Variants in TNPO3 observed in about 807,000 individuals in gnomAD.
TNPO3 encodes transportin 3, also known as transportin-3.
In TNPO3, 65 loss-of-function variants were observed where a neutral mutation model predicts 122.8. The observed-to-expected ratio is 0.53, with a 90% CI of 0.43 to 0.65. TNPO3 has a LOEUF of 0.65. TNPO3 is among the 30% of genes least tolerant of loss of function. The pLI, the probability that TNPO3 is intolerant of heterozygous loss-of-function variation, is 0.00. For synonymous variants in TNPO3, 372 were observed against 411.2 expected (o/e 0.90, Z 1.15); for missense variants, 850 against 1,136.7 (o/e 0.75, Z 3.63).
chr7:128,981,246 T>C (rs911395599), intron 14 of TNPO3, among the ~76,000 whole-genome samples: 8 of 152,206 alleles, frequency 5.3e-5, no homozygotes, highest in Non-Finnish European at 1.5e-5. Flanking sequence ...CATCACCTTT[T>C]TAAATATTTA....
At chr7:129,005,662 T>A (rs1340351896) in intron 4 of TNPO3, among the ~76,000 whole-genome samples, 5 of 151,846 alleles carry the variant, frequency 3.3e-5, no homozygotes, top group Admixed American at 1.3e-4. Flanking sequence ...CCTTCCCCCA[T>A]GATTGTTAAG....
At chr7:128,987,766 C>T (rs568409331) in intron 11 of TNPO3, among the ~76,000 whole-genome samples, 4 of 151,750 alleles carry the variant, frequency 2.6e-5, no homozygotes, top group African/African-American at 7.3e-5. Context: ...TTAGTAGAGA[C>T]GATTGTTTCA....
chr7:129,017,901 T>C, intron 2 of TNPO3, 56 bp downstream of exon 2: 7 of 1,550,662 alleles, frequency 4.5e-6, no homozygotes, highest in Non-Finnish European at 6.2e-6. Flanking sequence ...ATTAAAACAA[T>C]CCTGATAAAT....
At position 128,996,247 on chromosome 7, in the gene TNPO3, G is replaced by A. The variant is rs143184356; in HGVS notation, c.1158+1142C>T. Among the ~76,000 whole-genome samples the A allele has an allele frequency of 3.8e-3, 583 of 152,256 alleles. 5 individuals carry two copies. The highest frequency in any genetic ancestry group is 0.013 in the African/African-American group (544 of 41,554). On this transcript the variant is annotated intron_variant, in intron 8 of 22. Coordinates refer to ENST00000265388, the MANE Select transcript of TNPO3 (RefSeq NM_012470.4). ...GGCAAAATTTGAAGAGACTAAGCAT[G>A]ATGTTTGAAGAGTTTTCTAATAAAC...
At chr7:129,043,415 T>G (rs1351956793) in intron 1 of TNPO3, among the ~76,000 whole-genome samples, 1 of 152,004 alleles carries the variant, frequency 6.6e-6, no homozygotes, top group East Asian at 1.9e-4. Flanking sequence ...TAAAATAAAC[T>G]GAAATTGAAT....
intron 1 of TNPO3, among the ~76,000 whole-genome samples, chr7:129,050,566 A>G (rs1462805933): frequency 2.0e-5 from 3 of 152,214 alleles, no homozygotes; most frequent in Admixed American, 2.0e-4. Flanking sequence ...AGAAGACTCA[A>G]GGTTTACTGT....
chr7:128,986,030 T>A (rs1800105960), intron 12 of TNPO3, among the ~76,000 whole-genome samples: 1 of 152,214 alleles, frequency 6.6e-6, no homozygotes, highest in Non-Finnish European at 1.5e-5. Context: ...GGCACCCCAA[T>A]CTGTGTTCAG....
chr7:129,002,740 A>C (rs1411402297), intron 5 of TNPO3, among the ~76,000 whole-genome samples: 2 of 152,100 alleles, frequency 1.3e-5, no homozygotes, highest in Non-Finnish European at 2.9e-5. Context: ...AACACAGTGA[A>C]ACCCTGTCTC....
intron 7 of TNPO3, among the ~76,000 whole-genome samples, chr7:128,999,411 T>C (rs1801684600): frequency 6.6e-6 from 1 of 152,134 alleles, no homozygotes; most frequent in Admixed American, 6.5e-5. Context: ...ATGTTTTGGG[T>C]TCCATTCAAA....
intron 19 of TNPO3, among the ~76,000 whole-genome samples, chr7:128,971,600 T>C (rs1350067616): frequency 6.6e-6 from 1 of 152,238 alleles, no homozygotes; most frequent in Non-Finnish European, 1.5e-5. Context: ...ACTTCTTCAC[T>C]GCTCTCCCCT....
rs560973879 is a variant in TNPO3, at chr7:128,969,997, C to T, written c.2598+151G>A. ...ATAAATTACTGATCTTTACGGGCCT[C>T]TTCATCTACCAATCTAATTTGGCAA... is the stretch of plus-strand genomic sequence containing the variant. On this transcript the variant is annotated intron_variant, in intron 20 of 22. Transcript: ENST00000265388. The T allele has an allele frequency of 1.8e-4, 142 of 773,588 alleles. No individual in the cohort carries two copies. The African/African-American group carries it at 2.4e-3, about 13-fold the overall frequency. The allele number at this position is 773,588 out of a possible 1,614,324, so 47.9% of individuals were successfully genotyped here.
rs1803944128 is a variant in TNPO3 at position 129,017,165 on chromosome 7, G to A, written c.322-109C>T. 16 of 1,007,746 alleles carry A rather than the reference G, an allele frequency of 1.6e-5. No homozygotes were observed. In the East Asian group the frequency reaches 3.4e-4, roughly 22 times the overall value. 62.4% of individuals were successfully genotyped at this position (1,007,746 alleles called of 1,614,324 possible). ...TTCTTCCAAACAATATGACAACTAAGACTAACCCCCTTCCCCCATTTCTCC... is the reference window on the plus strand; with the variant it reads ...TTCTTCCAAACAATATGACAACTAAAACTAACCCCCTTCCCCCATTTCTCC... On this transcript the variant is annotated intron_variant, in intron 2 of 22. Transcript: ENST00000265388.
chr7:129,000,294 CA>C (rs1156613423), intron 7 of TNPO3, 134 bp downstream of exon 7: 15 of 1,034,118 alleles, frequency 1.5e-5, no homozygotes, highest in Non-Finnish European at 1.9e-5. Context: ...AATTCCAAAA[CA>C]GATGAAATCA....
At chr7:129,032,983 A>G (rs1225533821) in intron 1 of TNPO3, among the ~76,000 whole-genome samples, 1 of 152,220 alleles carries the variant, frequency 6.6e-6, no homozygotes, top group Non-Finnish European at 1.5e-5. Flanking sequence ...TATGGGTACT[A>G]GCATAAAGAT....
intron 21 of TNPO3, among the ~76,000 whole-genome samples, chr7:128,965,779 T>C (rs150113115): frequency 0.016 from 2,366 of 152,310 alleles, 29 homozygotes; most frequent in Non-Finnish European, 0.023. Flanking sequence ...TGGCACACGC[T>C]ACAACATAGA....
Position 129,015,064 on chromosome 7 carries a change from C to T in TNPO3, c.467G>A (p.Ser156Asn). 6.2e-7 allele frequency: 1 copy of T among 1,612,804 alleles called. No individual in the cohort carries two copies. Residue 156 changes from serine (S) to asparagine (N), a missense_variant, in exon 4 of 23, where the codon AGT becomes AAT. Coordinates refer to ENST00000265388, the MANE Select transcript of TNPO3 (RefSeq NM_012470.4). ...ILTVLPEEVH[S>N]RSLRIGANRR... is the part of the protein sequence containing the mutation. ...ATTAGCTCCAATTCGTAAGGAACGA[C>T]TATGTACTTCTTCAGGTAACACTGT...
intron 4 of TNPO3, among the ~76,000 whole-genome samples, chr7:129,007,121 G>A (rs1193135159): frequency 6.6e-6 from 1 of 152,114 alleles, no homozygotes; most frequent in Non-Finnish European, 1.5e-5. Context: ...TGTTTTAAGA[G>A]CTTTATATGT....
At chr7:129,056,149 T>C (rs1274878576), upstream of TNPO3, 7 of 956,050 alleles carry the variant, frequency 7.3e-6, no homozygotes, top group Admixed American at 3.6e-5. Flanking sequence ...ATTTGTGCTC[T>C]CGCCACTGCG....
At chr7:129,004,378 T>C (rs551525270) in intron 5 of TNPO3, among the ~76,000 whole-genome samples, 2 of 152,332 alleles carry the variant, frequency 1.3e-5, no homozygotes, top group African/African-American at 4.8e-5. Flanking sequence ...TAATGTTATG[T>C]TTCTTGTTCT....
Sources: allele counts gnomAD v4.1 joint callset (sites outside exome capture counted in the v4.1 genomes callset), GRCh38; gene constraint gnomAD v4.1.1; transcripts MANE v1.5; gene names NCBI Gene and HGNC (gene_info 2026-07-23, HGNC 2026-07-21).